Variants in RAB11FIP5 observed in about 807,000 individuals in gnomAD.
The protein encoded by RAB11FIP5 is rab11 family-interacting protein 5.
RAB11FIP5 carries 48 observed loss-of-function variants against 85.1 expected under a neutral mutation model. That is an observed-to-expected ratio of 0.56 (90% CI 0.45 to 0.72). The LOEUF is 0.72. Ranked by LOEUF, RAB11FIP5 falls within the 30% of genes least tolerant of loss-of-function variation. RAB11FIP5 has a pLI of 0.00. For synonymous variants in RAB11FIP5, 729 were observed against 727.3 expected (o/e 1.00, Z -0.04); for missense variants, 1,491 against 1,687.0 (o/e 0.88, Z 2.04).
At chr2:73,088,833 G>A in intron 2 of RAB11FIP5, 46 bp downstream of exon 2, 1 of 1,537,066 alleles carries the variant, frequency 6.5e-7, no homozygotes, top group Non-Finnish European at 8.7e-7. Context: ...CCCAAGGGGA[G>A]AGCCAGTGCC....
At position 73,075,776 on chromosome 2, in the gene RAB11FIP5, G is replaced by T; in HGVS notation, c.3772-52C>A. On this transcript the variant is annotated intron_variant, in intron 5 of 5. Coordinates refer to ENST00000486777, the MANE Select transcript of RAB11FIP5 (RefSeq NM_001371272.1). This position sits in a 1 kb window ranked among gnomAD's most constrained non-coding sequence, Gnocchi z 4.6. ...AGGGCAGCCCTAGGCCTGCCTGCCT[G>T]CCTGCCCGCTTGCCCGCCCGCCCGC... 1.3e-6 allele frequency: 2 copies of T among 1,530,110 alleles called. No individual in the cohort carries two copies. Among genetic ancestry groups the T allele is most frequent in the Non-Finnish European group, 1.8e-6 (2 of 1,133,308 alleles). 94.8% of individuals were successfully genotyped at this position (1,530,110 alleles called of 1,614,324 possible).
intron 1 of RAB11FIP5, among the ~76,000 whole-genome samples, chr2:73,104,680 G>A (rs542143463): frequency 2.6e-5 from 4 of 152,200 alleles, no homozygotes; most frequent in African/African-American, 9.6e-5. Context: ...CCCTCTCCTG[G>A]CCCAGTCCCA....
intron 1 of RAB11FIP5, among the ~76,000 whole-genome samples, chr2:73,103,072 G>A (rs1684460005): frequency 6.6e-6 from 1 of 152,180 alleles, no homozygotes; most frequent in Admixed American, 6.5e-5. Context: ...CACAGGAGCT[G>A]TGTGGGCCTC....
intron 4 of RAB11FIP5, among the ~76,000 whole-genome samples, chr2:73,077,687 A>G (rs1683890227): frequency 6.6e-6 from 1 of 152,040 alleles, no homozygotes; most frequent in Non-Finnish European, 1.5e-5. Flanking sequence ...ATTCCTACTC[A>G]TGTTTCACAG....
chr2:73,092,845 C>A (rs961655050), intron 1 of RAB11FIP5, among the ~76,000 whole-genome samples: 4 of 152,202 alleles, frequency 2.6e-5, no homozygotes, highest in African/African-American at 9.7e-5. Context: ...TCCCTTCCAG[C>A]CCCACCTCCC....
At position 73,089,348 on chromosome 2, in the gene RAB11FIP5, C is replaced by T. The variant is rs375325454; in HGVS notation, c.432-33G>A. 7 of 1,607,290 alleles carry T rather than the reference C, an allele frequency of 4.4e-6. No homozygotes were observed. The highest frequency in any genetic ancestry group is 1.1e-5 in the South Asian group (1 of 91,026). ...AAGAGGGGAGCAGGCAGAACTCAGT[C>T]ACGGGCCCAGGGAGCCTGGCTCCCG... is the stretch of plus-strand genomic sequence containing the variant. On this transcript the variant is annotated intron_variant, in intron 1 of 5. Coordinates refer to ENST00000486777, the MANE Select transcript of RAB11FIP5 (RefSeq NM_001371272.1). The surrounding 1 kb of genome is among the most constrained non-coding windows in gnomAD (Gnocchi z 4.6).
At position 73,089,459 on chromosome 2, in the gene RAB11FIP5, G is replaced by A. The variant is rs777549952; in HGVS notation, c.432-144C>T. 1.1e-4 allele frequency: 95 copies of A among 844,604 alleles called. 1 individual carries two copies. In the South Asian group the frequency reaches 1.3e-3, roughly 11 times the overall value. The allele number at this position is 844,604 out of a possible 1,614,324, so 52.3% of individuals were successfully genotyped here. On this transcript the variant is annotated intron_variant, in intron 1 of 5. Transcript: ENST00000486777. This position sits in a 1 kb window ranked among gnomAD's most constrained non-coding sequence, Gnocchi z 4.6. ...CAAAGGCTCCTGCTCTGACCCATCG[G>A]CCTGGGCTTCCAGGCTTCAGATGCA...
rs1194395490 is a variant in RAB11FIP5, at chr2:73,075,652, G to A, written c.3844C>T (p.Gln1282Ter). 2 of 1,613,878 alleles carry A rather than the reference G, an allele frequency of 1.2e-6. No homozygotes were observed. The highest frequency in any genetic ancestry group is 1.7e-6 in the Non-Finnish European group (2 of 1,179,910). Residue 1282 changes from glutamine to a stop codon, truncating the protein, a stop_gained, in exon 6 of 6, where the codon CAG becomes TAG. Coordinates refer to ENST00000486777, the MANE Select transcript of RAB11FIP5 (RefSeq NM_001371272.1). LOFTEE classifies it high-confidence loss of function. The surrounding 1 kb of genome is among the most constrained non-coding windows in gnomAD (Gnocchi z 4.6). ...THDELISLLL[Q>*]RERELSQRDE... ...CGCTGGCTCAGCTCCCGCTCCCGCT[G>A]CAGGAGCAGGCTGATGAGCTCATCG...
At chr2:73,111,443 C>A (rs191957524) in intron 1 of RAB11FIP5, among the ~76,000 whole-genome samples, 1 of 152,204 alleles carries the variant, frequency 6.6e-6, no homozygotes, top group Admixed American at 6.5e-5. Flanking sequence ...TTGAGTGATC[C>A]ACAGCAGGCT....
intron 1 of RAB11FIP5, among the ~76,000 whole-genome samples, chr2:73,096,870 A>C (rs1684329035): frequency 6.6e-6 from 1 of 152,054 alleles, no homozygotes; most frequent in Non-Finnish European, 1.5e-5. Flanking sequence ...TGAACCCATC[A>C]GGTGTGTTCC....
Position 73,108,580 on chromosome 2 carries a change from T to A in RAB11FIP5, c.431+3767A>T, listed in dbSNP as rs542965717. 3.7e-4 allele frequency among the ~76,000 whole-genome samples: 56 copies of A among 152,296 alleles called. 2 individuals are homozygous for A. The South Asian group carries it at 0.011, about 29-fold the overall frequency. ...TTCCTTCCTTCCCTCTTCTGATATA[T>A]CCAGGTCCATTCCCTGGGGGTGTGA... is the stretch of plus-strand genomic sequence containing the variant. On this transcript the variant is annotated intron_variant, in intron 1 of 5. Coordinates refer to ENST00000486777, the MANE Select transcript of RAB11FIP5 (RefSeq NM_001371272.1).
In RAB11FIP5 at chr2:73,088,198, G is replaced by A. The variant is rs142576427; in HGVS notation, c.1420C>T (p.Arg474Trp). Residue 474 changes from arginine (R) to tryptophan (W), a missense_variant, in exon 3 of 6, where the codon CGG becomes TGG. Arg to Trp is a moderately radical substitution (Grantham distance 101). Transcript: ENST00000486777. ...LFHHHHQGLS[R>W]SELGRRSSLG... Reference sequence around the variant, plus strand: ...GAGCTTCGGCGACCCAACTCGCTCCGACTTAGGCCTTGGTGGTGGTGGTGG... The same window carrying A: ...GAGCTTCGGCGACCCAACTCGCTCCAACTTAGGCCTTGGTGGTGGTGGTGG... The A allele has an allele frequency of 9.8e-5, 158 of 1,613,814 alleles. No homozygotes were observed. The highest frequency in any genetic ancestry group is 1.5e-4 in the African/African-American group (11 of 74,918).
Position 73,075,647 on chromosome 2 carries a change from C to T in RAB11FIP5, c.3849G>A (p.Arg1283=). 6.2e-7 allele frequency: 1 copy of T among 1,613,960 alleles called. No homozygotes were observed. The highest frequency in any genetic ancestry group is 8.5e-7 in the Non-Finnish European group (1 of 1,179,928). Residue 1283 remains arginine (R), a synonymous_variant, in exon 6 of 6, where the codon CGG becomes CGA. Transcript: ENST00000486777. This position sits in a 1 kb window ranked among gnomAD's most constrained non-coding sequence, Gnocchi z 4.6. ...HDELISLLLQ[R]ERELSQRDEH... is the part of the protein sequence containing the mutation. ...CGTCCCGCTGGCTCAGCTCCCGCTC[C>T]CGCTGCAGGAGCAGGCTGATGAGCT... is the stretch of plus-strand genomic sequence containing the variant.
intron 1 of RAB11FIP5, among the ~76,000 whole-genome samples, chr2:73,090,067 T>G (rs1684180426): frequency 6.6e-6 from 1 of 152,116 alleles, no homozygotes; most frequent in Admixed American, 6.5e-5. Context: ...GCATGAGGGT[T>G]CTTACCTCAC....
chr2:73,112,859 G>T lies in RAB11FIP5; in HGVS notation c.-82C>A. ...GACAAACCCGGCCGCGGCAGAAGGC[G>T]GTCAGGAACCAACTCTGAGCGCCGC... On this transcript the variant is annotated 5_prime_UTR_variant, in exon 1 of 6. Transcript: ENST00000486777. The T allele has an allele frequency of 1.6e-6, 2 of 1,273,762 alleles. No individual in the cohort carries two copies. Among genetic ancestry groups the T allele is most frequent in the South Asian group, 2.1e-5 (1 of 48,376 alleles). The allele number at this position is 1,273,762 out of a possible 1,614,324, so 78.9% of individuals were successfully genotyped here.
At chr2:73,092,388 G>A (rs1163211496) in intron 1 of RAB11FIP5, among the ~76,000 whole-genome samples, 1 of 152,242 alleles carries the variant, frequency 6.6e-6, no homozygotes, top group Non-Finnish European at 1.5e-5. Flanking sequence ...CCTGTGGTGA[G>A]ATTGCAGGGA....
intron 1 of RAB11FIP5, among the ~76,000 whole-genome samples, chr2:73,108,606 T>G (rs1165377845): frequency 6.6e-6 from 1 of 152,162 alleles, no homozygotes; most frequent in African/African-American, 2.4e-5. Flanking sequence ...GGGGGTGTGA[T>G]CCACACCAAT....
chr2:73,101,044 G>A (rs1684419631), intron 1 of RAB11FIP5, among the ~76,000 whole-genome samples: 1 of 142,602 alleles, frequency 7.0e-6, no homozygotes, highest in Admixed American at 6.9e-5. Context: ...TGGTGGGGTG[G>A]GGGGGATTTG....
Position 73,075,589 on chromosome 2 carries a change from G to A in RAB11FIP5, c.3907C>T (p.Arg1303Trp), listed in dbSNP as rs752218696. The change falls in exon 6 of 6, where the codon CGG becomes TGG. Residue 1303 changes from arginine (R) to tryptophan (W), a missense_variant. By Grantham distance (101) the Arg-to-Trp change is moderately radical. Around this residue, in one of 3 missense-constraint regions of RAB11FIP5, gnomAD observed 232 missense variants for 259.1 expected, o/e 0.90. Coordinates refer to ENST00000486777, the MANE Select transcript of RAB11FIP5 (RefSeq NM_001371272.1). The surrounding 1 kb of genome is among the most constrained non-coding windows in gnomAD (Gnocchi z 4.6). ...GTCTCCATGATCCGCACCAGCAGCC[G>A]GTCGATGTAGCTCTCCAGCTCCTGC... ...HVQELESYID[R>W]LLVRIMETSP... is the part of the protein sequence containing the mutation. 23 of 1,614,010 alleles carry A rather than the reference G, an allele frequency of 1.4e-5. No homozygotes were observed. Among genetic ancestry groups the A allele is most frequent in the East Asian group, 2.2e-5 (1 of 44,884 alleles).
Sources: allele counts gnomAD v4.1 joint callset (sites outside exome capture counted in the v4.1 genomes callset), GRCh38; gene constraint gnomAD v4.1.1; regional missense constraint gnomAD v4.1.1; non-coding constraint Gnocchi (gnomAD v3.1); transcripts MANE v1.5; gene names NCBI Gene and HGNC (gene_info 2026-07-23, HGNC 2026-07-21).